Variants in PITPNM2 observed in about 807,000 individuals in gnomAD.
The protein encoded by PITPNM2 is phosphatidylinositol transfer protein membrane associated 2, also known as membrane-associated phosphatidylinositol transfer protein 2.
Under a neutral mutation model 132.2 loss-of-function variants are expected in PITPNM2, and 35 were observed. That is an observed-to-expected ratio of 0.26 (90% CI 0.20 to 0.35). PITPNM2 has a LOEUF of 0.35. Ranked by LOEUF, PITPNM2 falls within the 10% of genes least tolerant of loss-of-function variation. The pLI is 1.00. For missense variants in PITPNM2, 1,332 were observed against 1,912.0 expected, an observed-to-expected ratio of 0.70 and a Z score of 5.66; for synonymous variants, 738 against 799.2, an observed-to-expected ratio of 0.92 and a Z score of 1.29.
At chr12:123,070,039 T>A (rs531142116) in intron 2 of PITPNM2, among the ~76,000 whole-genome samples, 214 of 151,630 alleles carry the variant, frequency 1.4e-3, no homozygotes, top group African/African-American at 4.6e-3. Flanking sequence ...GAGCTAAGAG[T>A]CCCCAGGTTG....
In PITPNM2 at chr12:123,064,818, TC is replaced by T. The variant is rs1361827044; in HGVS notation, c.-95-30134del. 6.6e-6 allele frequency among the ~76,000 whole-genome samples: 1 copy of T among 152,164 alleles called. No individual in the cohort carries two copies. The highest frequency in any genetic ancestry group is 2.4e-5 in the African/African-American group (1 of 41,438). On this transcript the variant is annotated intron_variant, in intron 2 of 25. Coordinates refer to ENST00000320201, the MANE Select transcript of PITPNM2 (RefSeq NM_020845.3). This position sits in a 1 kb window ranked among gnomAD's most constrained non-coding sequence, Gnocchi z 4.0. ...CAGCAGGACACAGGGAGTGACTAGC[TC>T]TGGGGCCAGACCACGTTCACATTCA... is the stretch of plus-strand genomic sequence containing the variant.
At chr12:123,030,965 T>G (rs1005903286) in intron 3 of PITPNM2, among the ~76,000 whole-genome samples, 6 of 151,876 alleles carry the variant, frequency 4.0e-5, no homozygotes, top group African/African-American at 1.5e-4. Flanking sequence ...AGGTAGTACA[T>G]TAGTGATTGT....
chr12:123,143,129 C>T (rs1033041446), intron 1 of PITPNM2, among the ~76,000 whole-genome samples: 1 of 144,658 alleles, frequency 6.9e-6, no homozygotes, highest in African/African-American at 2.5e-5. Context: ...CCCCCTCCCC[C>T]CTCCCTCGAT....
Position 122,983,656 on chromosome 12 carries a change from A to T in PITPNM2, c.*2371T>A, listed in dbSNP as rs1230532959. ...CCAGACGGGAGGGGCTGAGACGTGA[A>T]GGCTGTGATGGGGTGGGCAGTGGGA... On this transcript the variant is annotated 3_prime_UTR_variant, in exon 26 of 26. Transcript: ENST00000320201. The T allele has an allele frequency of 2.6e-5, 4 of 151,296 alleles. No individual in the cohort carries two copies. The highest frequency in any genetic ancestry group is 5.9e-5 in the Non-Finnish European group (4 of 67,794). The allele number at this position is 151,296 out of a possible 1,614,324, so 9.4% of individuals were successfully genotyped here.
intron 2 of PITPNM2, chr12:123,076,239 C>T (rs1408501582): frequency 6.6e-6 from 1 of 152,260 alleles, no homozygotes; most frequent in Non-Finnish European, 1.5e-5. Context: ...GGTGATTCTC[C>T]AGCCCCAAAG....
At chr12:123,050,960 G>A (rs981262725) in intron 2 of PITPNM2, among the ~76,000 whole-genome samples, 9 of 152,200 alleles carry the variant, frequency 5.9e-5, no homozygotes, top group Non-Finnish European at 1.0e-4. Flanking sequence ...GAGATAGCTG[G>A]GTTGCTGCAT....
chr12:123,117,647 C>T lies in PITPNM2; in HGVS notation c.-199-7159G>A, dbSNP rs1435319184. 6.6e-6 allele frequency among the ~76,000 whole-genome samples: 1 copy of T among 152,202 alleles called. No homozygotes were observed. The stretch of plus-strand genomic sequence containing the variant: ...GCCCTGCATCAAGTCCAATGACTTG[C>T]ATCTAGGTTTGCAAGGCAGACAGAA... On this transcript the variant is annotated intron_variant, in intron 1 of 25. Transcript: ENST00000320201. This position sits in a 1 kb window ranked among gnomAD's most constrained non-coding sequence, Gnocchi z 4.7.
At chr12:123,076,367 C>T (rs2041789743) in intron 2 of PITPNM2, among the ~76,000 whole-genome samples, 1 of 152,156 alleles carries the variant, frequency 6.6e-6, no homozygotes, top group Non-Finnish European at 1.5e-5. Context: ...CTCTGGGGGG[C>T]TCAAAGGCAG....
chr12:123,056,151 T>C (rs924287444), intron 2 of PITPNM2, among the ~76,000 whole-genome samples: 3 of 152,142 alleles, frequency 2.0e-5, no homozygotes, highest in Non-Finnish European at 4.4e-5. Flanking sequence ...GCTCTGGCCC[T>C]GAGGTCAAGG....
chr12:123,112,538 C>CTTT (rs113732529), intron 1 of PITPNM2, among the ~76,000 whole-genome samples: 2 of 140,098 alleles, frequency 1.4e-5, no homozygotes, highest in Non-Finnish European at 3.1e-5. Context: ...CTTCAATATA[C>CTTT]TTTTTTTTTT....
chr12:123,131,044 T>C (rs891085595), intron 1 of PITPNM2, among the ~76,000 whole-genome samples: 4 of 152,198 alleles, frequency 2.6e-5, no homozygotes, highest in Non-Finnish European at 5.9e-5. Context: ...TGAGCAGACA[T>C]GTGAGGATGG....
At position 122,990,704 on chromosome 12, in the gene PITPNM2, C is replaced by T. The variant is rs2038150269; in HGVS notation, c.2410G>A (p.Val804Met). The change falls in exon 17 of 26, where the codon GTG becomes ATG. Residue 804 changes from valine to methionine, a missense_variant. By Grantham distance (21) the Val-to-Met change is conservative. Transcript: ENST00000320201. The part of the protein sequence containing the change: ...GDGCSTLLAD[V>M]LQTHNAAFQE... ...AAGGCTGCATTGTGGGTCTGGAGCA[C>T]ATCCGCTGCAGGTGGACAGGGACCA... 1.2e-6 allele frequency: 2 copies of T among 1,604,050 alleles called. No individual in the cohort carries two copies. The highest frequency in any genetic ancestry group is 1.7e-6 in the Non-Finnish European group (2 of 1,175,592).
intron 1 of PITPNM2, among the ~76,000 whole-genome samples, chr12:123,142,832 C>A (rs1460614354): frequency 6.6e-6 from 1 of 150,662 alleles, no homozygotes; most frequent in African/African-American, 2.5e-5. Context: ...TGATTACCCA[C>A]ATGGGAAAAA....
intron 2 of PITPNM2, among the ~76,000 whole-genome samples, chr12:123,062,037 C>T (rs1370236763): frequency 1.3e-5 from 2 of 152,242 alleles, no homozygotes; most frequent in South Asian, 2.1e-4. Flanking sequence ...GGGGCCCCTG[C>T]TCCTCCTCCT....
At chr12:122,987,751 C>A (rs568355532) in intron 21 of PITPNM2, 34 bp downstream of exon 21, 2 of 1,613,418 alleles carry the variant, frequency 1.2e-6, no homozygotes, top group African/African-American at 1.3e-5. Flanking sequence ...TCCCCAAAGT[C>A]CCTCCATGTT....
chr12:123,093,538 G>T (rs904663289), intron 2 of PITPNM2, among the ~76,000 whole-genome samples: 1 of 151,990 alleles, frequency 6.6e-6, no homozygotes, highest in Non-Finnish European at 1.5e-5. Context: ...GAGTCTGGCC[G>T]CTGCAGTGGA....
At chr12:123,087,811 G>A (rs2042156365) in intron 2 of PITPNM2, 1 of 152,040 alleles carries the variant, frequency 6.6e-6, no homozygotes, top group Non-Finnish European at 1.5e-5. Flanking sequence ...CAGAGACAGG[G>A]TCTCGCTATG....
chr12:122,990,777 C>T, intron 16 of PITPNM2, 68 bp from the exon 17 acceptor site: 1 of 1,482,706 alleles, frequency 6.7e-7, no homozygotes, highest in East Asian at 2.3e-5. Context: ...AGTGGGGAAG[C>T]CAGTGTGCCA....
intron 1 of PITPNM2, among the ~76,000 whole-genome samples, chr12:123,127,610 C>CT (rs1202654049): frequency 0.037 from 5,131 of 139,450 alleles, 279 homozygotes; most frequent in African/African-American, 0.11. Context: ...CTTTTTCTTT[C>CT]TTTTTTTTTT....
Sources: allele counts gnomAD v4.1 joint callset (sites outside exome capture counted in the v4.1 genomes callset), GRCh38; gene constraint gnomAD v4.1.1; non-coding constraint Gnocchi (gnomAD v3.1); transcripts MANE v1.5; gene names NCBI Gene and HGNC (gene_info 2026-07-23, HGNC 2026-07-21).